The following RNF157 variants were observed in gnomAD, a reference collection of about 807,000 sequenced individuals.
RNF157 encodes the protein ring finger protein 157, also known as E3 ubiquitin ligase RNF157.
Under a neutral mutation model 88.3 loss-of-function variants are expected in RNF157, and 55 were observed. That is an observed-to-expected ratio of 0.62 (90% CI 0.50 to 0.78). The LOEUF (loss-of-function observed/expected upper bound fraction) is 0.78. RNF157 is among the 30% of genes least tolerant of loss of function. The pLI, the probability that RNF157 is intolerant of heterozygous loss-of-function variation, is 0.00. For missense variants in RNF157, 788 were observed against 860.8 expected, an observed-to-expected ratio of 0.92 and a Z score of 1.06; for synonymous variants, 334 against 341.2, an observed-to-expected ratio of 0.98 and a Z score of 0.23.
chr17:76,166,922 G>A, intron 5 of RNF157, 87 bp downstream of exon 5: 1 of 821,720 alleles, frequency 1.2e-6, no homozygotes, highest in East Asian at 2.5e-5. Flanking sequence ...AAGCATCCGA[G>A]CAGCCCCTTT....
intron 2 of RNF157, among the ~76,000 whole-genome samples, chr17:76,208,105 A>G (rs58097008): frequency 0.03 from 4,581 of 151,696 alleles, 203 homozygotes; most frequent in African/African-American, 0.1. Flanking sequence ...TATATTTTGT[A>G]GAGATGAGGG....
intron 2 of RNF157, among the ~76,000 whole-genome samples, chr17:76,186,810 C>T (rs566427006): frequency 8.5e-4 from 129 of 151,570 alleles, no homozygotes; most frequent in African/African-American, 2.9e-3. Context: ...CATGGTAGTG[C>T]ACATTTGTAA....
At chr17:76,203,064 C>T (rs1029196174) in intron 2 of RNF157, among the ~76,000 whole-genome samples, 1 of 152,082 alleles carries the variant, frequency 6.6e-6, no homozygotes, top group Non-Finnish European at 1.5e-5. Flanking sequence ...GATCTCCGCT[C>T]GCTGCAACCT....
At chr17:76,237,609 T>C (rs2070303490) in intron 1 of RNF157, among the ~76,000 whole-genome samples, 1 of 151,968 alleles carries the variant, frequency 6.6e-6, no homozygotes, top group Non-Finnish European at 1.5e-5. Context: ...CCTTGAGAGG[T>C]GGAGGCAGAC....
chr17:76,145,785 G>A (rs902949088), intron 18 of RNF157, among the ~76,000 whole-genome samples: 12 of 152,226 alleles, frequency 7.9e-5, no homozygotes, highest in Non-Finnish European at 1.5e-4. Flanking sequence ...CGTTCTGGCC[G>A]AGTGTTAATG....
rs1249326883 is a variant in RNF157 at position 76,187,246 on chromosome 17, C to T, written c.208-13456G>A. Among the ~76,000 whole-genome samples the T allele has an allele frequency of 2.6e-5, 4 of 151,646 alleles. No individual in the cohort carries two copies. In the South Asian group the frequency reaches 6.3e-4, roughly 24 times the overall value. Reference sequence around the variant, plus strand: ...TCACCCAGGCTGGAGTGCAGTGGTGCGATCTCGGCTCACCACAACCTCCGC... The same window carrying T: ...TCACCCAGGCTGGAGTGCAGTGGTGTGATCTCGGCTCACCACAACCTCCGC... On this transcript the variant is annotated intron_variant, in intron 2 of 18. Coordinates refer to ENST00000269391, the MANE Select transcript of RNF157 (RefSeq NM_052916.3).
At chr17:76,231,295 C>G (rs2070188654) in intron 1 of RNF157, among the ~76,000 whole-genome samples, 1 of 152,174 alleles carries the variant, frequency 6.6e-6, no homozygotes, top group Non-Finnish European at 1.5e-5. Flanking sequence ...CCGTGCCCGG[C>G]CTCTTGCACA....
chr17:76,215,255 G>A (rs2069868617), intron 1 of RNF157, among the ~76,000 whole-genome samples: 1 of 151,962 alleles, frequency 6.6e-6, no homozygotes, highest in Non-Finnish European at 1.5e-5. Context: ...ACCAGCTTGG[G>A]CAACTTAGCA....
In RNF157 at chr17:76,229,623, C is replaced by T. The variant is rs75941231; in HGVS notation, c.88+10530G>A. Among the ~76,000 whole-genome samples, 958 of 152,254 alleles carry T rather than the reference C, an allele frequency of 6.3e-3. 7 individuals are homozygous for T. The highest frequency in any genetic ancestry group is 0.021 in the African/African-American group (886 of 41,540). On this transcript the variant is annotated intron_variant, in intron 1 of 18. Transcript: ENST00000269391. Reference sequence around the variant, plus strand: ...CCATCTTTGCCTCAAACTCAATAACCTTTTCTTCTGGAAGGAGGAGGAATC... The same window carrying T: ...CCATCTTTGCCTCAAACTCAATAACTTTTTCTTCTGGAAGGAGGAGGAATC...
chr17:76,166,128 C>A (rs1482576936), intron 6 of RNF157, among the ~76,000 whole-genome samples: 1 of 152,170 alleles, frequency 6.6e-6, no homozygotes, highest in Non-Finnish European at 1.5e-5. Flanking sequence ...GTGCACACTG[C>A]CATACCCAGC....
chr17:76,207,632 G>C (rs908319912), intron 2 of RNF157, among the ~76,000 whole-genome samples: 1 of 152,214 alleles, frequency 6.6e-6, no homozygotes, highest in Admixed American at 6.5e-5. Flanking sequence ...TCTCTGCAAA[G>C]AGGAGTCGTT....
At chr17:76,223,262 G>A (rs188767418) in intron 1 of RNF157, among the ~76,000 whole-genome samples, 2 of 146,908 alleles carry the variant, frequency 1.4e-5, no homozygotes, top group Non-Finnish European at 3.0e-5. Flanking sequence ...ATCTCTGCTC[G>A]CTGCAACATC....
chr17:76,186,980 T>TAAATAAAA (rs1568048454), intron 2 of RNF157, among the ~76,000 whole-genome samples: 4 of 148,130 alleles, frequency 2.7e-5, no homozygotes, highest in East Asian at 1.9e-4. Flanking sequence ...AATAAATAAA[T>TAAATAAAA]AAAATCTCAA....
At chr17:76,210,394 T>G (rs201880630) in intron 2 of RNF157, among the ~76,000 whole-genome samples, 6 of 151,490 alleles carry the variant, frequency 4.0e-5, no homozygotes, top group South Asian at 2.1e-4. Context: ...ATCGAGACCA[T>G]CCTGGCTAAC....
intron 2 of RNF157, among the ~76,000 whole-genome samples, chr17:76,206,277 A>C (rs1429639161): frequency 6.6e-6 from 1 of 152,134 alleles, no homozygotes; most frequent in Non-Finnish European, 1.5e-5. Flanking sequence ...TACTTGACTA[A>C]TTTCTAAGCC....
At chr17:76,174,069 TTAATAA>T (rs1349973478) in intron 2 of RNF157, among the ~76,000 whole-genome samples, 1 of 151,464 alleles carries the variant, frequency 6.6e-6, no homozygotes, top group Non-Finnish European at 1.5e-5. Context: ...ACCTGGAGAA[TTAATAA>T]TAAAAAAAAA....
intron 18 of RNF157, among the ~76,000 whole-genome samples, chr17:76,145,941 T>G (rs2068579036): frequency 6.6e-6 from 1 of 152,164 alleles, no homozygotes; most frequent in Admixed American, 6.5e-5. Flanking sequence ...TACGCAGCTG[T>G]TGAGGTTTGC....
chr17:76,235,893 C>G (rs555457678), intron 1 of RNF157, among the ~76,000 whole-genome samples: 1 of 152,136 alleles, frequency 6.6e-6, no homozygotes, highest in Non-Finnish European at 1.5e-5. Context: ...CCTGTAATCC[C>G]AGCTACTGAG....
intron 2 of RNF157, among the ~76,000 whole-genome samples, chr17:76,201,093 C>A (rs1684250625): frequency 6.6e-6 from 1 of 152,098 alleles, no homozygotes; most frequent in South Asian, 2.1e-4. Flanking sequence ...TTTCCTTCCT[C>A]TACTTAGAAG....
Sources: gnomAD v4.1 joint callset for allele counts (sites outside exome capture counted in the v4.1 genomes callset) on GRCh38, gnomAD v4.1.1 for gene constraint, MANE v1.5 for transcripts, NCBI Gene and HGNC (gene_info 2026-07-23, HGNC 2026-07-21) for gene names.